NFAM1: variants seen among roughly 807,000 people sequenced by gnomAD.
NFAM1 encodes NFAT activating protein with ITAM motif 1.
NFAM1 carries 17 observed loss-of-function variants against 29.0 expected under a neutral mutation model. The ratio of observed to expected loss-of-function variants is 0.59; its 90% CI spans 0.40 to 0.88. The LOEUF is 0.88. Among genes scored for constraint, NFAM1 ranks in the 40% least tolerant of loss-of-function variants. The pLI, the probability that NFAM1 is intolerant of heterozygous loss-of-function variation, is 0.00. For synonymous variants in NFAM1, 175 were observed against 147.2 expected (o/e 1.19, Z -1.36); for missense variants, 324 against 344.6 (o/e 0.94, Z 0.47).
At chr22:42,398,385 A>AT (rs1264430709) in intron 3 of NFAM1, among the ~76,000 whole-genome samples, 4 of 60,520 alleles carry the variant, frequency 6.6e-5, no homozygotes, top group South Asian at 4.0e-4. Flanking sequence ...GGTTTTATTT[A>AT]TTATTATTAT....
At position 42,402,775 on chromosome 22, in the gene NFAM1, G is replaced by C. The variant is rs116252026; in HGVS notation, c.565-4819C>G. On this transcript the variant is annotated intron_variant, in intron 3 of 5. Transcript: ENST00000329021. Reference sequence around the variant, plus strand: ...TGGCGATTGCTGCCTTCTCAAGAGAGAGACCTCTCCTGGTACTCAAAGCGC... The same window carrying C: ...TGGCGATTGCTGCCTTCTCAAGAGACAGACCTCTCCTGGTACTCAAAGCGC... 2.9e-3 allele frequency among the ~76,000 whole-genome samples: 446 copies of C among 151,528 alleles called. 4 individuals are homozygous for C. Among genetic ancestry groups the C allele is most frequent in the African/African-American group, 0.01 (428 of 41,330 alleles).
intron 1 of NFAM1, among the ~76,000 whole-genome samples, chr22:42,425,906 T>C (rs936903093): frequency 6.6e-6 from 1 of 151,958 alleles, no homozygotes; most frequent in African/African-American, 2.4e-5. Context: ...GATGAACACC[T>C]TGGGGGAGAG....
chr22:42,391,458 A>C (rs1356747970), intron 4 of NFAM1, among the ~76,000 whole-genome samples: 10 of 152,104 alleles, frequency 6.6e-5, no homozygotes, highest in Non-Finnish European at 1.5e-4. Flanking sequence ...GGCTCCCACC[A>C]GTGTTAGCGC....
intron 3 of NFAM1, among the ~76,000 whole-genome samples, chr22:42,398,571 C>T (rs986190971): frequency 2.0e-5 from 3 of 151,960 alleles, no homozygotes; most frequent in South Asian, 2.1e-4. Context: ...TGTGCCACCA[C>T]GCCCGGCTAA....
At chr22:42,429,602 C>T (rs910870109) in intron 1 of NFAM1, among the ~76,000 whole-genome samples, 4 of 151,988 alleles carry the variant, frequency 2.6e-5, no homozygotes, top group African/African-American at 9.7e-5. Context: ...GGCAACAGAG[C>T]GAGACTCCGT....
intron 2 of NFAM1, among the ~76,000 whole-genome samples, chr22:42,411,027 T>A (rs1426206732): frequency 3.8e-5 from 3 of 79,166 alleles, no homozygotes; most frequent in African/African-American, 1.6e-4. Flanking sequence ...TTCTTTTTTT[T>A]TTTTTTTTTT....
intron 1 of NFAM1, among the ~76,000 whole-genome samples, chr22:42,426,181 G>C (rs1032503256): frequency 2.0e-5 from 3 of 152,190 alleles, no homozygotes; most frequent in Admixed American, 1.3e-4. Context: ...CAGGAAGAAG[G>C]GGTGGCCGAG....
At chr22:42,407,478 C>T (rs1311544866) in intron 3 of NFAM1, among the ~76,000 whole-genome samples, 2 of 151,852 alleles carry the variant, frequency 1.3e-5, no homozygotes, top group African/African-American at 4.8e-5. Context: ...AAGCAATTCT[C>T]CCACTTCAGC....
At chr22:42,428,752 T>C (rs1048228454) in intron 1 of NFAM1, among the ~76,000 whole-genome samples, 1 of 152,182 alleles carries the variant, frequency 6.6e-6, no homozygotes, top group Admixed American at 6.5e-5. Context: ...AGCCCAGAGT[T>C]CTGGAAAGGC....
chr22:42,384,829 A>T lies in NFAM1; in HGVS notation c.*332T>A. 1 of 415,828 alleles carries T rather than the reference A, an allele frequency of 2.4e-6. No individual in the cohort carries two copies. The allele number at this position is 415,828 out of a possible 1,614,324, so 25.8% of individuals were successfully genotyped here. A position where few individuals can be genotyped will look rare whatever the true frequency, so the allele number is the denominator to read the frequency against. On this transcript the variant is annotated 3_prime_UTR_variant, in exon 6 of 6. Transcript: ENST00000329021. ...CAAGAGAGCATGCTGCTCTGTCAGC[A>T]TGAGGCAGTGAGCAGGGCTCTGGGC... is the stretch of plus-strand genomic sequence containing the variant.
At chr22:42,427,498 G>A (rs957219483) in intron 1 of NFAM1, among the ~76,000 whole-genome samples, 2 of 152,192 alleles carry the variant, frequency 1.3e-5, no homozygotes, top group African/African-American at 4.8e-5. Context: ...GTCCCGTGCT[G>A]GGAGTCAAGG....
intron 3 of NFAM1, among the ~76,000 whole-genome samples, chr22:42,406,176 C>T (rs937551860): frequency 2.8e-4 from 36 of 128,224 alleles, no homozygotes; most frequent in Admixed American, 4.9e-4. Flanking sequence ...CCCCCCGGCT[C>T]GCGCCTCACC....
rs1357950438 is a variant in NFAM1, at chr22:42,385,063, C to T, written c.*98G>A. The T allele has an allele frequency of 1.1e-6, 1 of 883,008 alleles. No individual in the cohort carries two copies. The highest frequency in any genetic ancestry group is 2.4e-5 in the East Asian group (1 of 41,604). The allele number at this position is 883,008 out of a possible 1,614,324, so 54.7% of individuals were successfully genotyped here. ...GTGAGGGTGAAATGATGGGGTGTCC[C>T]TGGGGGCCTTACTCCCAACTCAGAT... On this transcript the variant is annotated 3_prime_UTR_variant, in exon 6 of 6. Transcript: ENST00000329021.
rs199515192 is a variant in NFAM1 at position 42,409,431 on chromosome 22, G to T, written c.564+4C>A. The T allele has an allele frequency of 1.2e-5, 18 of 1,443,636 alleles. No homozygotes were observed. Among genetic ancestry groups the T allele is most frequent in the Non-Finnish European group, 1.7e-5 (18 of 1,075,992 alleles). 89.4% of individuals were successfully genotyped at this position (1,443,636 alleles called of 1,614,324 possible). A position where few individuals can be genotyped will look rare whatever the true frequency, so the allele number is the denominator to read the frequency against. Reference sequence around the variant, plus strand: ...CTGCATGGCTGTGAGCACTGATCCCGTACCTTGTTCCAGAGCAGCAGGGCC... The same window carrying T: ...CTGCATGGCTGTGAGCACTGATCCCTTACCTTGTTCCAGAGCAGCAGGGCC... On this transcript the variant is annotated splice_donor_region_variant and intron_variant, in intron 3 of 5. Coordinates refer to ENST00000329021, the MANE Select transcript of NFAM1 (RefSeq NM_145912.8). This position sits in a 1 kb window ranked among gnomAD's most constrained non-coding sequence, Gnocchi z 4.9.
rs2147089414 is a variant in NFAM1 at position 42,388,131 on chromosome 22, G to A, written c.664-1053C>T. Among the ~76,000 whole-genome samples, 1 of 152,338 alleles carries A rather than the reference G, an allele frequency of 6.6e-6. No individual in the cohort carries two copies. The highest frequency in any genetic ancestry group is 6.5e-5 in the Admixed American group (1 of 15,298). On this transcript the variant is annotated intron_variant, in intron 4 of 5. Transcript: ENST00000329021. The surrounding 1 kb of genome is among the most constrained non-coding windows in gnomAD (Gnocchi z 4.1). ...CTCACTCTTGGCCCAGCTAAGAAAG[G>A]CCTAGCCAGAGACCTCAGGATGGTA...
intron 3 of NFAM1, among the ~76,000 whole-genome samples, chr22:42,401,990 C>T (rs1484793857): frequency 6.6e-6 from 1 of 152,246 alleles, no homozygotes. Context: ...GTGCCAGGCT[C>T]CCCCAGGTGC....
Position 42,384,777 on chromosome 22 carries a change from C to T in NFAM1, c.*384G>A. On this transcript the variant is annotated 3_prime_UTR_variant, in exon 6 of 6. Coordinates refer to ENST00000329021, the MANE Select transcript of NFAM1 (RefSeq NM_145912.8). Reference sequence around the variant, plus strand: ...GGTCCTCCCTCAGCTCAGAGGCTGCCCTACTGGCTGAGGTGCAGGCTGGTG... The same window carrying T: ...GGTCCTCCCTCAGCTCAGAGGCTGCTCTACTGGCTGAGGTGCAGGCTGGTG... 3.5e-6 allele frequency: 1 copy of T among 286,602 alleles called. No homozygotes were observed. Among genetic ancestry groups the T allele is most frequent in the Non-Finnish European group, 6.8e-6 (1 of 147,812 alleles). 17.8% of individuals were successfully genotyped at this position (286,602 alleles called of 1,614,324 possible).
chr22:42,414,450 AC>A (rs1321317701), intron 1 of NFAM1, among the ~76,000 whole-genome samples: 1 of 151,708 alleles, frequency 6.6e-6, no homozygotes, highest in African/African-American at 2.4e-5. Flanking sequence ...TCCCCCAGGG[AC>A]CCAGGTGGGC....
At chr22:42,391,279 G>A (rs891145331) in intron 4 of NFAM1, among the ~76,000 whole-genome samples, 9 of 151,096 alleles carry the variant, frequency 6.0e-5, no homozygotes, top group African/African-American at 2.2e-4. Context: ...AGGGCTCTGA[G>A]CAGAGGGCCA....
Sources: allele counts gnomAD v4.1 joint callset (sites outside exome capture counted in the v4.1 genomes callset), GRCh38; gene constraint gnomAD v4.1.1; non-coding constraint Gnocchi (gnomAD v3.1); transcripts MANE v1.5; gene names NCBI Gene and HGNC (gene_info 2026-07-23, HGNC 2026-07-21).